CPLX1: variants seen among roughly 807,000 people sequenced by gnomAD.
The protein encoded by CPLX1 is complexin-1.
CPLX1 carries 6 observed loss-of-function variants against 15.6 expected under a neutral mutation model. The observed-to-expected ratio is 0.39, with a 90% CI of 0.21 to 0.76. The LOEUF is 0.76. Ranked by LOEUF, CPLX1 falls within the 30% of genes least tolerant of loss-of-function variation. The pLI is 0.43. For missense variants in CPLX1, 242 were observed against 188.6 expected (o/e 1.28, Z -1.66); for synonymous variants, 91 against 75.2 (o/e 1.21, Z -1.08).
chr4:820,842 C>T (rs1746847549), intron 2 of CPLX1, among the ~76,000 whole-genome samples: 1 of 152,074 alleles, frequency 6.6e-6, no homozygotes, highest in Admixed American at 6.5e-5. Flanking sequence ...AAGGTGGACA[C>T]CGGTGGCCCC....
At chr4:816,213 ATTTTTT>A (rs34183163) in intron 2 of CPLX1, among the ~76,000 whole-genome samples, 1 of 115,036 alleles carries the variant, frequency 8.7e-6, no homozygotes, top group African/African-American at 3.4e-5. Flanking sequence ...TCTCCGTGAA[ATTTTTT>A]TTTTTTTTTT....
Position 786,234 on chromosome 4 carries a change from G to A in CPLX1, c.*267C>T, listed in dbSNP as rs1260234662. 3.3e-6 allele frequency: 1 copy of A among 304,962 alleles called. No homozygotes were observed. Among genetic ancestry groups the A allele is most frequent in the Non-Finnish European group, 6.0e-6 (1 of 166,506 alleles). The allele number at this position is 304,962 out of a possible 1,614,324, so 18.9% of individuals were successfully genotyped here. A position where few individuals can be genotyped will look rare whatever the true frequency, so the allele number is the denominator to read the frequency against. ...CGGCCCTGGCCTCGGGCGCTGCTGG[G>A]TGGGCGGTAAACAGCAAGAGAAAGG... On this transcript the variant is annotated 3_prime_UTR_variant, in exon 4 of 4. Transcript: ENST00000304062.
intron 2 of CPLX1, among the ~76,000 whole-genome samples, chr4:805,317 C>G (rs1171642072): frequency 1.3e-5 from 2 of 152,200 alleles, no homozygotes; most frequent in African/African-American, 2.4e-5. Flanking sequence ...CACACCGAAC[C>G]CAAACCCTGA....
chr4:792,734 GCCC>G, intron 2 of CPLX1, 126 bp from the exon 3 acceptor site: 1 of 1,011,434 alleles, frequency 9.9e-7, no homozygotes. Flanking sequence ...CCCTCTGGCT[GCCC>G]CCACCACCCT....
chr4:802,401 T>C (rs534221377), intron 2 of CPLX1, among the ~76,000 whole-genome samples: 1 of 152,374 alleles, frequency 6.6e-6, no homozygotes, highest in African/African-American at 2.4e-5. Flanking sequence ...ACCACGGTGA[T>C]GGTGAAACTC....
At chr4:822,044 C>G (rs1488290492) in intron 2 of CPLX1, among the ~76,000 whole-genome samples, 1 of 152,206 alleles carries the variant, frequency 6.6e-6, no homozygotes, top group Non-Finnish European at 1.5e-5. Context: ...GCCCTGACTC[C>G]TCTTAGCAGT....
rs1040857236 is a variant in CPLX1, at chr4:786,191, C to T, written c.*310G>A. 6 of 219,418 alleles carry T rather than the reference C, an allele frequency of 2.7e-5. No individual in the cohort carries two copies. The highest frequency in any genetic ancestry group is 4.4e-5 in the Non-Finnish European group (5 of 112,476). The allele number at this position is 219,418 out of a possible 1,614,324, so 13.6% of individuals were successfully genotyped here. On this transcript the variant is annotated 3_prime_UTR_variant, in exon 4 of 4. Coordinates refer to ENST00000304062, the MANE Select transcript of CPLX1 (RefSeq NM_006651.4). ...CCGCGAACGCGCGCACAGGGGTGGTCGCGGGGCTGCCCTTCGGCGGCCCTG... is the reference window on the plus strand; with the variant it reads ...CCGCGAACGCGCGCACAGGGGTGGTTGCGGGGCTGCCCTTCGGCGGCCCTG...
chr4:804,865 G>C, intron 2 of CPLX1: 1 of 933,194 alleles, frequency 1.1e-6, no homozygotes, highest in Middle Eastern at 5.6e-4. Context: ...CACGGGAAAG[G>C]TGGGCGGCGG....
intron 2 of CPLX1, among the ~76,000 whole-genome samples, chr4:818,332 C>A (rs1036290965): frequency 6.6e-6 from 1 of 152,242 alleles, no homozygotes; most frequent in Non-Finnish European, 1.5e-5. Context: ...CTTTGTCAAG[C>A]TGATTGTGGA....
At chr4:795,781 G>C (rs1394847683) in intron 2 of CPLX1, among the ~76,000 whole-genome samples, 1 of 134,050 alleles carries the variant, frequency 7.5e-6, no homozygotes, top group Non-Finnish European at 1.6e-5. Context: ...CCGGGAGCTC[G>C]CCCCAAACCG....
Position 824,929 on chromosome 4 carries a change from T to C in CPLX1, c.-79-328A>G, listed in dbSNP as rs75766043. ...CCAGGGGGCGTTTGAAGGTGACTGC[T>C]CCGCTCTGCAGCTCAGTGTCTGGAG... is the stretch of plus-strand genomic sequence containing the variant. On this transcript the variant is annotated intron_variant, in intron 1 of 3. Transcript: ENST00000304062. The C allele has an allele frequency of 3.6e-4, 137 of 382,000 alleles. 1 individual carries two copies. In the East Asian group the frequency reaches 7.5e-3, roughly 21 times the overall value. The allele number at this position is 382,000 out of a possible 1,614,324, so 23.7% of individuals were successfully genotyped here. A position where few individuals can be genotyped will look rare whatever the true frequency, so the allele number is the denominator to read the frequency against.
At chr4:787,946 C>A in intron 3 of CPLX1, 1 of 985,368 alleles carries the variant, frequency 1.0e-6, no homozygotes, top group Non-Finnish European at 1.2e-6. Flanking sequence ...ATCCCCTGAA[C>A]AGGACCCCCG....
chr4:799,652 C>G (rs186316468), intron 2 of CPLX1, among the ~76,000 whole-genome samples: 2 of 152,300 alleles, frequency 1.3e-5, no homozygotes, highest in African/African-American at 2.4e-5. Flanking sequence ...CACCTGAGGT[C>G]TGGAGTTCGA....
At chr4:812,233 C>A (rs917709896) in intron 2 of CPLX1, among the ~76,000 whole-genome samples, 3 of 152,094 alleles carry the variant, frequency 2.0e-5, no homozygotes, top group African/African-American at 7.2e-5. Flanking sequence ...CGCCACCACG[C>A]CCCGCTAAAT....
intron 2 of CPLX1, among the ~76,000 whole-genome samples, chr4:817,849 C>A (rs1576997736): frequency 6.6e-6 from 1 of 152,108 alleles, no homozygotes. Context: ...TTGTTCCCAC[C>A]AGCCGTGAGG....
chr4:797,613 ACT>A (rs1247673308), intron 2 of CPLX1, among the ~76,000 whole-genome samples: 1 of 144,770 alleles, frequency 6.9e-6, no homozygotes, highest in Non-Finnish European at 1.5e-5. Context: ...AGCGTGAGCC[ACT>A]GAGCCTGGCC....
At chr4:814,194 A>G (rs1175727868) in intron 2 of CPLX1, among the ~76,000 whole-genome samples, 3 of 151,326 alleles carry the variant, frequency 2.0e-5, no homozygotes, top group Non-Finnish European at 4.4e-5. Flanking sequence ...TCTTATAATC[A>G]TGCTAGCTGT....
intron 2 of CPLX1, among the ~76,000 whole-genome samples, chr4:804,171 C>G (rs1746512162): frequency 6.6e-6 from 1 of 152,202 alleles, no homozygotes; most frequent in Admixed American, 6.5e-5. Flanking sequence ...AACGTATTCC[C>G]GTCAACACAG....
At chr4:786,939 G>A (rs1296978405) in intron 3 of CPLX1, 3 of 981,704 alleles carry the variant, frequency 3.1e-6, no homozygotes, top group South Asian at 4.7e-5. Flanking sequence ...GGGAGGGGGA[G>A]GCTCCCATCT....
Sources: gnomAD v4.1 joint callset for allele counts (sites outside exome capture counted in the v4.1 genomes callset) on GRCh38, gnomAD v4.1.1 for gene constraint, MANE v1.5 for transcripts, NCBI Gene and HGNC (gene_info 2026-07-23, HGNC 2026-07-21) for gene names.